ANKRD28: variants seen among roughly 807,000 people sequenced by gnomAD.
ANKRD28 encodes the protein ankyrin repeat domain 28.
In ANKRD28, 44 loss-of-function variants were observed where a neutral mutation model predicts 126.5. The observed-to-expected ratio is 0.35, with a 90% CI of 0.27 to 0.45. ANKRD28 has a LOEUF of 0.45. ANKRD28 is among the 20% of genes least tolerant of loss of function. ANKRD28 has a pLI of 1.00. For missense variants in ANKRD28, 1,110 were observed against 1,316.6 expected, an observed-to-expected ratio of 0.84 and a Z score of 2.43; for synonymous variants, 442 against 468.5, an observed-to-expected ratio of 0.94 and a Z score of 0.73.
At position 15,856,895 on chromosome 3, in the gene ANKRD28, A is replaced by G. The variant is rs140878183; in HGVS notation, c.27+2482T>C. 1.5e-3 allele frequency among the ~76,000 whole-genome samples: 232 copies of G among 152,342 alleles called. 1 individual carries two copies. Among genetic ancestry groups the G allele is most frequent in the African/African-American group, 5.3e-3 (220 of 41,586 alleles). On this transcript the variant is annotated intron_variant, in intron 1 of 27. Transcript: ENST00000399451. ...ACAAGGTGAACAGCGAAACAGACCT[A>G]AAAAAGTACATTCTACTACTTCCTA...
At chr3:15,771,407 C>T (rs1243287152) in intron 2 of ANKRD28, among the ~76,000 whole-genome samples, 1 of 84,730 alleles carries the variant, frequency 1.2e-5, no homozygotes, top group Non-Finnish European at 2.6e-5. Flanking sequence ...AAAACTCTGT[C>T]TCAAAAAAAA....
intron 1 of ANKRD28, among the ~76,000 whole-genome samples, chr3:15,855,802 G>A (rs972944070): frequency 1.3e-5 from 2 of 152,192 alleles, no homozygotes; most frequent in Non-Finnish European, 2.9e-5. Flanking sequence ...CAGCTAATGG[G>A]TATGGGGTTT....
intron 1 of ANKRD28, among the ~76,000 whole-genome samples, chr3:15,795,835 A>G (rs2060252330): frequency 6.6e-6 from 1 of 152,150 alleles, no homozygotes; most frequent in Non-Finnish European, 1.5e-5. Context: ...TGGATACTTA[A>G]ATAACTTGAA....
chr3:15,759,066 C>T (rs2058320808), intron 3 of ANKRD28, among the ~76,000 whole-genome samples: 1 of 152,054 alleles, frequency 6.6e-6, no homozygotes, highest in South Asian at 2.1e-4. Context: ...ACCTCAGTGG[C>T]CAGCAAATAG....
rs182968124 is a variant in ANKRD28, at chr3:15,701,569, A to T, written c.1548-5324T>A. 4.6e-3 allele frequency among the ~76,000 whole-genome samples: 695 copies of T among 152,206 alleles called. 6 individuals are homozygous for T. Among genetic ancestry groups the T allele is most frequent in the East Asian group, 0.02 (103 of 5,180 alleles). On this transcript the variant is annotated intron_variant, in intron 14 of 27. Coordinates refer to ENST00000683139, the MANE Select transcript of ANKRD28 (RefSeq NM_001349278.2). ...TGAGGCAGGAGAATCACTTGAACCC[A>T]GGAGGCGGAGGTTGCAGTAAGCTGA... is the stretch of plus-strand genomic sequence containing the variant.
At chr3:15,701,870 T>C (rs2125963661) in intron 14 of ANKRD28, among the ~76,000 whole-genome samples, 1 of 152,188 alleles carries the variant, frequency 6.6e-6, no homozygotes, top group Admixed American at 6.5e-5. Context: ...CAGTGCTCAC[T>C]GGGATGCAGA....
At chr3:15,696,313 CTG>C in intron 14 of ANKRD28, 68 bp from the exon 15 acceptor site, 3 of 1,044,618 alleles carry the variant, frequency 2.9e-6, no homozygotes, top group East Asian at 5.3e-5. Flanking sequence ...TAAAAAGAGA[CTG>C]AAATTAAAAA....
At chr3:15,685,648 T>C (rs973824239) in intron 20 of ANKRD28, among the ~76,000 whole-genome samples, 1 of 152,114 alleles carries the variant, frequency 6.6e-6, no homozygotes, top group African/African-American at 2.4e-5. Context: ...AAAATGCAAA[T>C]AGTATGAAAA....
intron 6 of ANKRD28, among the ~76,000 whole-genome samples, chr3:15,734,933 A>G (rs1200572207): frequency 3.3e-5 from 5 of 152,146 alleles, no homozygotes; most frequent in Non-Finnish European, 1.5e-5. Flanking sequence ...TTTCAAGAAC[A>G]TATATATTAT....
At chr3:15,766,375 T>A in intron 2 of ANKRD28, 63 bp from the exon 3 acceptor site, 2 of 1,220,696 alleles carry the variant, frequency 1.6e-6, no homozygotes, top group Non-Finnish European at 2.3e-6. Context: ...ATAATAGTTT[T>A]AATAACCACA....
chr3:15,822,223 C>T (rs977979461), intron 1 of ANKRD28, among the ~76,000 whole-genome samples: 3 of 152,146 alleles, frequency 2.0e-5, no homozygotes, highest in African/African-American at 7.2e-5. Flanking sequence ...AGAAGCTTGG[C>T]TGAGCATTAT....
chr3:15,690,686 T>C (rs2068670516), intron 17 of ANKRD28, among the ~76,000 whole-genome samples: 1 of 152,184 alleles, frequency 6.6e-6, no homozygotes, highest in Non-Finnish European at 1.5e-5. Flanking sequence ...CACCTCAGCC[T>C]CCTGAGTAGC....
chr3:15,736,981 G>T (rs1045705138), intron 5 of ANKRD28, 52 bp downstream of exon 5: 4 of 1,546,264 alleles, frequency 2.6e-6, no homozygotes, highest in African/African-American at 1.4e-5. Context: ...TTTAATAAGT[G>T]GGGGGTGGAC....
At chr3:15,762,532 C>T (rs377016896) in intron 3 of ANKRD28, among the ~76,000 whole-genome samples, 2 of 151,608 alleles carry the variant, frequency 1.3e-5, no homozygotes, top group African/African-American at 2.4e-5. Context: ...TATTTTTTTT[C>T]AACCTTTGTC....
At chr3:15,729,566 T>C (rs989749140) in intron 6 of ANKRD28, among the ~76,000 whole-genome samples, 1 of 152,224 alleles carries the variant, frequency 6.6e-6, no homozygotes, top group Admixed American at 6.5e-5. Flanking sequence ...AAGAGCAGCA[T>C]AGAAAACAAG....
intron 10 of ANKRD28, among the ~76,000 whole-genome samples, chr3:15,713,091 G>A (rs1237143353): frequency 6.6e-6 from 1 of 152,102 alleles, no homozygotes; most frequent in Non-Finnish European, 1.5e-5. Flanking sequence ...TGACCAAAAT[G>A]GGGGTGGGGG....
intron 1 of ANKRD28, among the ~76,000 whole-genome samples, chr3:15,840,711 A>C (rs2061409411): frequency 2.6e-5 from 4 of 152,238 alleles, no homozygotes; most frequent in African/African-American, 9.6e-5. Context: ...AGTGGAACAC[A>C]ATAGAGAACC....
intron 1 of ANKRD28, among the ~76,000 whole-genome samples, chr3:15,829,857 A>G (rs956785278): frequency 1.5e-4 from 23 of 151,766 alleles, no homozygotes; most frequent in African/African-American, 5.6e-4. Context: ...TTCAAGGAAT[A>G]TTTTCAATAA....
intron 1 of ANKRD28, among the ~76,000 whole-genome samples, chr3:15,834,071 A>G (rs1273450456): frequency 4.6e-5 from 7 of 152,090 alleles, no homozygotes; most frequent in African/African-American, 1.7e-4. Flanking sequence ...TACTGTGTGA[A>G]AGCTTTTTTA....
Sources: allele counts gnomAD v4.1 joint callset (sites outside exome capture counted in the v4.1 genomes callset), GRCh38; gene constraint gnomAD v4.1.1; transcripts MANE v1.5; gene names NCBI Gene and HGNC (gene_info 2026-07-23, HGNC 2026-07-21).